The following ARHGAP17 variants were observed in gnomAD, a reference collection of about 807,000 sequenced individuals.
ARHGAP17 encodes the protein Rho GTPase activating protein 17, also known as rho GTPase-activating protein 17.
In ARHGAP17, 57 loss-of-function variants were observed where a neutral mutation model predicts 99.5. The ratio of observed to expected loss-of-function variants is 0.57; its 90% CI spans 0.46 to 0.71. ARHGAP17 has a LOEUF of 0.71. Ranked by LOEUF, ARHGAP17 falls within the 30% of genes least tolerant of loss-of-function variation. ARHGAP17 has a pLI of 0.00. For synonymous variants in ARHGAP17, 417 were observed against 429.6 expected (o/e 0.97, Z 0.36); for missense variants, 1,000 against 1,122.4 (o/e 0.89, Z 1.56).
chr16:24,931,231 A>G lies in ARHGAP17; in HGVS notation c.2068T>C (p.Ser690Pro). Reference protein sequence around the residue: ...QHTGQPPGQPSAPSQLSAPRR... With the variant: ...QHTGQPPGQPPAPSQLSAPRR... ...GGTGCTGAGAGCTGGGAGGGGGCGGAGGGCTGGCCTGGAGGCTGGCCCGTG... is the reference window on the plus strand; with the variant it reads ...GGTGCTGAGAGCTGGGAGGGGGCGGGGGGCTGGCCTGGAGGCTGGCCCGTG... Residue 690 changes from serine (S) to proline (P), a missense_variant, in exon 19 of 20, where the codon TCC (serine) becomes CCC (proline). Ser to Pro is a moderately conservative substitution (Grantham distance 74). Transcript: ENST00000289968. The G allele has an allele frequency of 7.6e-7, 1 of 1,316,240 alleles. No individual in the cohort carries two copies. Among genetic ancestry groups the G allele is most frequent in the Non-Finnish European group, 1.0e-6 (1 of 1,001,924 alleles). 81.5% of individuals were successfully genotyped at this position (1,316,240 alleles called of 1,614,324 possible). A position where few individuals can be genotyped will look rare whatever the true frequency, so the allele number is the denominator to read the frequency against.
intron 14 of ARHGAP17, among the ~76,000 whole-genome samples, chr16:24,947,256 G>T (rs1345911346): frequency 6.6e-6 from 1 of 152,170 alleles, no homozygotes; most frequent in African/African-American, 2.4e-5. Flanking sequence ...TAAGAGCAGG[G>T]GCATTTTGAG....
At position 24,949,348 on chromosome 16, in the gene ARHGAP17, T is replaced by C. The variant is rs2051565975; in HGVS notation, c.1127+56A>G. The C allele has an allele frequency of 2.9e-6, 4 of 1,402,360 alleles. No individual in the cohort carries two copies. The East Asian group carries it at 6.9e-5, about 24-fold the overall frequency. 86.9% of individuals were successfully genotyped at this position (1,402,360 alleles called of 1,614,324 possible). A position where few individuals can be genotyped will look rare whatever the true frequency, so the allele number is the denominator to read the frequency against. On this transcript the variant is annotated intron_variant, in intron 13 of 19. Transcript: ENST00000289968. The stretch of plus-strand genomic sequence containing the variant: ...GTATGCCTGAATTAAATGACTTCTC[T>C]GCTGGGCATTAAACTTATCTTCACT...
chr16:24,983,791 G>A (rs1247262607), intron 1 of ARHGAP17, among the ~76,000 whole-genome samples: 4 of 152,170 alleles, frequency 2.6e-5, no homozygotes, highest in African/African-American at 7.2e-5. Flanking sequence ...TCTGGGGTTT[G>A]TTTTTTCCTA....
chr16:24,930,344 T>C (rs982845655), intron 19 of ARHGAP17, among the ~76,000 whole-genome samples: 5 of 152,264 alleles, frequency 3.3e-5, no homozygotes, highest in African/African-American at 1.2e-4. Flanking sequence ...TGTTTAAGCA[T>C]TTTAATGAGG....
At chr16:24,970,439 C>A in intron 4 of ARHGAP17, 68 bp downstream of exon 4, 2 of 1,455,582 alleles carry the variant, frequency 1.4e-6, no homozygotes, top group Admixed American at 1.7e-5. Flanking sequence ...GTCCTACATA[C>A]ACCACCTGGC....
At chr16:24,958,254 A>AAAC (rs1487222991) in intron 9 of ARHGAP17, among the ~76,000 whole-genome samples, 1 of 152,074 alleles carries the variant, frequency 6.6e-6, no homozygotes, top group African/African-American at 2.4e-5. Context: ...ACAAACAAAC[A>AAAC]AAATGCGAAA....
chr16:24,988,068 T>C (rs1318366245), intron 1 of ARHGAP17, among the ~76,000 whole-genome samples: 1 of 152,202 alleles, frequency 6.6e-6, no homozygotes, highest in East Asian at 1.9e-4. Context: ...TACAAGTGTT[T>C]ACAAAATCCA....
chr16:25,004,252 T>C (rs1041568783), intron 1 of ARHGAP17, among the ~76,000 whole-genome samples: 1 of 152,176 alleles, frequency 6.6e-6, no homozygotes, highest in African/African-American at 2.4e-5. Context: ...AGCAAGACTC[T>C]GCCTCCATGA....
chr16:24,954,582 G>A lies in ARHGAP17; in HGVS notation c.852+21C>T, dbSNP rs376663284. ...AAGGGGCATGGAGACTTGGTGCACA[G>A]GATCACGAAGCTCCCCTCACCTCCT... On this transcript the variant is annotated intron_variant, in intron 10 of 19. Transcript: ENST00000289968. The A allele has an allele frequency of 3.7e-6, 6 of 1,606,730 alleles. No homozygotes were observed. The African/African-American group carries it at 8.0e-5, about 21-fold the overall frequency.
intron 2 of ARHGAP17, among the ~76,000 whole-genome samples, chr16:24,977,850 C>T (rs2052564810): frequency 6.6e-6 from 1 of 152,110 alleles, no homozygotes; most frequent in Non-Finnish European, 1.5e-5. Flanking sequence ...AAGAGAGCCG[C>T]TTTTTACAGG....
rs545142950 is a variant in ARHGAP17 at position 24,999,060 on chromosome 16, A to G, written c.53+16149T>C. On this transcript the variant is annotated intron_variant, in intron 1 of 19. Transcript: ENST00000289968. The stretch of plus-strand genomic sequence containing the variant: ...GCCATCACAGGACACAGCCCCATCC[A>G]CACTCCCGGGACAGCAACATCTCAT... Among the ~76,000 whole-genome samples the G allele has an allele frequency of 7.9e-4, 120 of 152,342 alleles. 1 individual carries two copies. Among genetic ancestry groups the G allele is most frequent in the Non-Finnish European group, 1.0e-3 (69 of 68,030 alleles).
In ARHGAP17 at chr16:24,968,338, C is replaced by T. The variant is rs1450431452; in HGVS notation, c.461+13G>A. The T allele has an allele frequency of 6.2e-7, 1 of 1,614,014 alleles. No individual in the cohort carries two copies. The highest frequency in any genetic ancestry group is 1.1e-5 in the South Asian group (1 of 91,066). On this transcript the variant is annotated intron_variant, in intron 6 of 19. Transcript: ENST00000289968. Reference sequence around the variant, plus strand: ...ATGGGACACAATGCTGCATTGCTGGCTCAAGCTGTTACCTGGCTCTGACTG... The same window carrying T: ...ATGGGACACAATGCTGCATTGCTGGTTCAAGCTGTTACCTGGCTCTGACTG...
intron 19 of ARHGAP17, among the ~76,000 whole-genome samples, chr16:24,921,972 TA>T (rs762325538): frequency 1.3e-5 from 2 of 152,234 alleles, no homozygotes; most frequent in Admixed American, 6.5e-5. Flanking sequence ...CCTCAGTACC[TA>T]AAACAGTGAC....
At chr16:25,015,021 G>T (rs1597509432) in intron 1 of ARHGAP17, among the ~76,000 whole-genome samples, 188 bp downstream of exon 1, 3 of 151,482 alleles carry the variant, frequency 2.0e-5, no homozygotes, top group South Asian at 4.2e-4. Context: ...AGAGACAGGC[G>T]GGCCGCCTGG....
intron 19 of ARHGAP17, among the ~76,000 whole-genome samples, chr16:24,930,330 G>T (rs1484906736): frequency 6.6e-6 from 1 of 152,148 alleles, no homozygotes. Flanking sequence ...ACTCTTAGAA[G>T]TACTGTTTAA....
chr16:25,003,508 C>T (rs1022630113), intron 1 of ARHGAP17, among the ~76,000 whole-genome samples: 14 of 152,134 alleles, frequency 9.2e-5, no homozygotes, highest in African/African-American at 3.4e-4. Flanking sequence ...GCCACCATGC[C>T]TGGCCTTAAA....
intron 1 of ARHGAP17, among the ~76,000 whole-genome samples, chr16:24,984,974 A>G (rs932110868): frequency 2.6e-5 from 4 of 152,220 alleles, no homozygotes; most frequent in African/African-American, 9.6e-5. Flanking sequence ...CCATTCCTCC[A>G]ATCCCATATC....
At chr16:24,987,754 G>A (rs1161933763) in intron 1 of ARHGAP17, among the ~76,000 whole-genome samples, 1 of 152,138 alleles carries the variant, frequency 6.6e-6, no homozygotes, top group African/African-American at 2.4e-5. Context: ...CTGTTCTGCT[G>A]GCTTTTACAC....
At chr16:24,968,074 A>G (rs1180022876) in intron 6 of ARHGAP17, among the ~76,000 whole-genome samples, 1 of 152,176 alleles carries the variant, frequency 6.6e-6, no homozygotes, top group Non-Finnish European at 1.5e-5. Flanking sequence ...TGTGCTCTCA[A>G]AACTGCCACC....
Sources: allele counts gnomAD v4.1 joint callset (sites outside exome capture counted in the v4.1 genomes callset), GRCh38; gene constraint gnomAD v4.1.1; transcripts MANE v1.5; gene names NCBI Gene and HGNC (gene_info 2026-07-23, HGNC 2026-07-21).